The following LATS1 variants were observed in gnomAD, a reference collection of about 807,000 sequenced individuals.
LATS1 encodes the protein large tumor suppressor kinase 1.
A neutral mutation model predicts 106.6 loss-of-function variants in LATS1; 25 were observed. The ratio of observed to expected loss-of-function variants is 0.23; its 90% confidence interval spans 0.17 to 0.33. The LOEUF (loss-of-function observed/expected upper bound fraction) is 0.33. LATS1 is among the 10% of genes least tolerant of loss of function. The pLI is 1.00. For missense variants in LATS1, 1,040 were observed against 1,382.6 expected (o/e 0.75, Z 3.93); for synonymous variants, 465 against 455.6 (o/e 1.02, Z -0.26).
intron 7 of LATS1, among the ~76,000 whole-genome samples, chr6:149,665,100 G>A (rs1440537708): frequency 1.3e-5 from 2 of 152,130 alleles, no homozygotes; most frequent in African/African-American, 2.4e-5. Flanking sequence ...GGCTCATCAC[G>A]CCTGTAATCC....
chr6:149,680,435 T>G lies in LATS1; in HGVS notation c.2033A>C (p.Gln678Pro). The change falls in exon 5 of 8, where the codon CAG becomes CCG. Residue 678 changes from glutamine (Q) to proline (P), a missense_variant. Gln to Pro is a moderately conservative substitution (Grantham distance 76). This residue lies in a region of LATS1 where 167 missense variants were observed against 332.1 expected (regional missense o/e 0.50). Coordinates refer to ENST00000543571, the MANE Select transcript of LATS1 (RefSeq NM_004690.4). ...MMRVGLSQDA[Q>P]DQMRKMLCQK... The stretch of plus-strand genomic sequence containing the variant: ...GCAAAGCATCTTTCTCATTTGATCC[T>G]GGGCATCTTGAGATAATCCAACCTA... 6.2e-7 allele frequency: 1 copy of G among 1,610,104 alleles called. No homozygotes were observed. The highest frequency in any genetic ancestry group is 8.5e-7 in the Non-Finnish European group (1 of 1,177,952).
chr6:149,693,763 C>T (rs1220877249), intron 3 of LATS1, among the ~76,000 whole-genome samples: 1 of 152,024 alleles, frequency 6.6e-6, no homozygotes, highest in Admixed American at 6.6e-5. Context: ...CAAACATAGG[C>T]ATTCTCATAG....
chr6:149,676,711 C>T lies in LATS1; in HGVS notation c.2620G>A (p.Asp874Asn). The stretch of plus-strand genomic sequence containing the variant: ...GGATCCCCCCATTCATTACTGAAAT[C>T]CATGCTATCTTGCCGTGGATGGTCA... The part of the protein sequence containing the change: ...SGDHPRQDSM[D>N]FSNEWGDPSS... Residue 874 changes from aspartate to asparagine, a missense_variant, in exon 6 of 8, where the codon GAT (aspartate) becomes AAT (asparagine). Physicochemically the swap from Asp to Asn is conservative, Grantham distance 23 (BLOSUM62 1). Coordinates refer to ENST00000543571, the MANE Select transcript of LATS1 (RefSeq NM_004690.4). The T allele has an allele frequency of 1.2e-6, 2 of 1,613,640 alleles. No individual in the cohort carries two copies. The highest frequency in any genetic ancestry group is 1.7e-6 in the Non-Finnish European group (2 of 1,179,702).
At position 149,673,470 on chromosome 6, in the gene LATS1, T is replaced by C. The variant is rs142350238; in HGVS notation, c.2883+2790A>G. 4.8e-3 allele frequency among the ~76,000 whole-genome samples: 724 copies of C among 152,012 alleles called. 15 individuals are homozygous for C. Among genetic ancestry groups the C allele is most frequent in the African/African-American group, 0.016 (675 of 41,330 alleles). On this transcript the variant is annotated intron_variant, in intron 7 of 7. Coordinates refer to ENST00000543571, the MANE Select transcript of LATS1 (RefSeq NM_004690.4). ...ACATAGAATTGATGAGAATGGACAT[T>C]CCTGCCTTGTTCTCAACCTTAGGGA... is the stretch of plus-strand genomic sequence containing the variant.
In LATS1 at chr6:149,701,792, G is replaced by A; in HGVS notation, c.335C>T (p.Ala112Val). Residue 112 changes from alanine (A) to valine (V), a missense_variant, in exon 2 of 8, where the codon GCT (alanine) becomes GTT (valine). Coordinates refer to ENST00000543571, the MANE Select transcript of LATS1 (RefSeq NM_004690.4). ...NPQMLQDLQAAGFDEDMVIQA... is the reference protein window; with the variant it reads ...NPQMLQDLQAVGFDEDMVIQA... The stretch of plus-strand genomic sequence containing the variant: ...AAACATTCTTACCTCATCAAATCCA[G>A]CAGCTTGCAAGTCTTGAAGCATTTG... 6.2e-7 allele frequency: 1 copy of A among 1,610,022 alleles called. No individual in the cohort carries two copies. Among genetic ancestry groups the A allele is most frequent in the South Asian group, 1.1e-5 (1 of 90,770 alleles).
chr6:149,685,472 G>A (rs1782320199), intron 3 of LATS1, among the ~76,000 whole-genome samples: 1 of 151,938 alleles, frequency 6.6e-6, no homozygotes, highest in South Asian at 2.1e-4. Flanking sequence ...TGCAACCTCC[G>A]TCTCCCGGGT....
intron 1 of LATS1, among the ~76,000 whole-genome samples, chr6:149,715,347 G>A (rs764675761): frequency 3.3e-5 from 5 of 152,160 alleles, no homozygotes; most frequent in Admixed American, 1.3e-4. Flanking sequence ...GGTTACAGGC[G>A]TGAGCCACTG....
chr6:149,687,178 C>A (rs1782435626), intron 3 of LATS1, among the ~76,000 whole-genome samples: 1 of 151,106 alleles, frequency 6.6e-6, no homozygotes, highest in African/African-American at 2.4e-5. Context: ...GAAACCTCTG[C>A]CTCCTGGGTT....
intron 6 of LATS1, 82 bp downstream of exon 6, chr6:149,676,473 G>A: frequency 5.7e-6 from 8 of 1,400,266 alleles, no homozygotes; most frequent in Non-Finnish European, 7.9e-6. Context: ...TTTATTATAA[G>A]CCTGAAAAAT....
rs190144122 is a variant in LATS1 at position 149,684,250 on chromosome 6, T to C, written c.839A>G (p.Asn280Ser). ...PNSQTKRYSG[N>S]MEYVISRISP... is the part of the protein sequence containing the mutation. ...GATTCGGGAGATTACGTATTCCATGTTTCCAGAATAGCGCTTTGTTTGAGA... is the reference window on the plus strand; with the variant it reads ...GATTCGGGAGATTACGTATTCCATGCTTCCAGAATAGCGCTTTGTTTGAGA... The change falls in exon 4 of 8, where the codon AAC becomes AGC. Residue 280 changes from asparagine (N) to serine (S), a missense_variant. This residue lies in a region of LATS1 where 624 missense variants were observed against 714.8 expected (regional missense o/e 0.87). Coordinates refer to ENST00000543571, the MANE Select transcript of LATS1 (RefSeq NM_004690.4). 69 of 1,614,116 alleles carry C rather than the reference T, an allele frequency of 4.3e-5. 1 individual carries two copies. In the Admixed American group the frequency reaches 9.7e-4, roughly 23 times the overall value.
At chr6:149,699,004 T>A (rs1000465498) in intron 2 of LATS1, among the ~76,000 whole-genome samples, 1 of 152,010 alleles carries the variant, frequency 6.6e-6, no homozygotes, top group Non-Finnish European at 1.5e-5. Context: ...ATGAGAAAAT[T>A]AATCTTGAAA....
At position 149,683,993 on chromosome 6, in the gene LATS1, C is replaced by T. The variant is rs1782213140; in HGVS notation, c.1096G>A (p.Gly366Ser). 1 of 1,614,054 alleles carries T rather than the reference C, an allele frequency of 6.2e-7. No homozygotes were observed. The highest frequency in any genetic ancestry group is 1.7e-5 in the Admixed American group (1 of 59,986). Residue 366 changes from glycine to serine, a missense_variant, in exon 4 of 8, where the codon GGC becomes AGC. By Grantham distance (56) the Gly-to-Ser change is moderately conservative (BLOSUM62 0). Around this residue, in one of 7 missense-constraint regions of LATS1, gnomAD observed 624 missense variants for 714.8 expected, o/e 0.87. Transcript: ENST00000543571. ...FMIHQNVVPA[G>S]TVNRQPPPPY... ...GGTGGTGGCTGCCGATTCACAGTGC[C>T]AGCAGGGACAACATTTTGGTGTATC...
At chr6:149,687,242 C>T (rs1345360121) in intron 3 of LATS1, among the ~76,000 whole-genome samples, 1 of 152,008 alleles carries the variant, frequency 6.6e-6, no homozygotes, top group Non-Finnish European at 1.5e-5. Flanking sequence ...AGGCAGGTGC[C>T]ACCACACCCA....
intron 1 of LATS1, among the ~76,000 whole-genome samples, chr6:149,715,211 G>A (rs939297420): frequency 6.6e-6 from 1 of 152,092 alleles, no homozygotes; most frequent in Non-Finnish European, 1.5e-5. Context: ...TGGGACTACA[G>A]ACCCGCGCTA....
Position 149,680,638 on chromosome 6 carries a change from G to T in LATS1, c.2011-181C>A, listed in dbSNP as rs189680692. On this transcript the variant is annotated intron_variant, in intron 4 of 7. Transcript: ENST00000543571. The stretch of plus-strand genomic sequence containing the variant: ...AATGATCAAAAGTGCAGCCTAAGGG[G>T]TAGTTAAAAGGATATTCAAAGTGAG... Among the ~76,000 whole-genome samples, 11 of 151,162 alleles carry T rather than the reference G, an allele frequency of 7.3e-5. No individual in the cohort carries two copies. The East Asian group carries it at 2.0e-3, about 27-fold the overall frequency.
chr6:149,681,460 C>A (rs1377202810), intron 4 of LATS1, among the ~76,000 whole-genome samples: 1 of 152,108 alleles, frequency 6.6e-6, no homozygotes, highest in Non-Finnish European at 1.5e-5. Flanking sequence ...ATCTTACTTG[C>A]CTACACAGTA....
intron 4 of LATS1, among the ~76,000 whole-genome samples, chr6:149,682,410 TTTTTC>T (rs1782095401): frequency 6.6e-6 from 1 of 151,272 alleles, no homozygotes. Context: ...ACGTATTTCT[TTTTTC>T]TTTTTTTTTT....
chr6:149,673,865 G>A (rs929325017), intron 7 of LATS1, among the ~76,000 whole-genome samples: 3 of 151,492 alleles, frequency 2.0e-5, no homozygotes, highest in Non-Finnish European at 2.9e-5. Flanking sequence ...AGTAGAGACG[G>A]GGTTTCACCA....
chr6:149,702,338 C>A, intron 1 of LATS1, 72 bp from the exon 2 acceptor site: 1 of 459,996 alleles, frequency 2.2e-6, no homozygotes, highest in Non-Finnish European at 3.8e-6. Context: ...GAGGAAAAGT[C>A]CATTGATATA....
Sources: allele counts gnomAD v4.1 joint callset (sites outside exome capture counted in the v4.1 genomes callset), GRCh38; gene constraint gnomAD v4.1.1; regional missense constraint gnomAD v4.1.1; transcripts MANE v1.5; gene names NCBI Gene and HGNC (gene_info 2026-07-23, HGNC 2026-07-21).